Variants in HK1 observed in about 807,000 individuals in gnomAD.
The protein encoded by HK1 is hexokinase-1.
A neutral mutation model predicts 91.6 loss-of-function variants in HK1; 28 were observed. The ratio of observed to expected loss-of-function variants is 0.31; its 90% confidence interval spans 0.23 to 0.42. The LOEUF is 0.42. HK1 is among the 10% of genes least tolerant of loss of function. The pLI, the probability that HK1 is intolerant of heterozygous loss-of-function variation, is 1.00. For missense variants in HK1, 770 were observed against 1,219.8 expected (o/e 0.63, Z 5.49); for synonymous variants, 430 against 468.1 (o/e 0.92, Z 1.05).
chr10:69,314,678 CT>C (rs1223659839), upstream of HK1, among the ~76,000 whole-genome samples: 2 of 147,678 alleles, frequency 1.4e-5, no homozygotes, highest in African/African-American at 2.5e-5. Flanking sequence ...TCTTTTCTTT[CT>C]TTTTTTCTGA....
chr10:69,286,817 G>A (rs1475770794), intron 2 of HK1, among the ~76,000 whole-genome samples: 3 of 152,114 alleles, frequency 2.0e-5, no homozygotes, highest in African/African-American at 7.2e-5. Context: ...CAACGTGCTG[G>A]GATTACAGGC....
chr10:69,294,841 A>G (rs1845476946), intron 3 of HK1, among the ~76,000 whole-genome samples: 1 of 151,936 alleles, frequency 6.6e-6, no homozygotes, highest in African/African-American at 2.4e-5. Flanking sequence ...CAGCCTGGGC[A>G]ACAGAGCGAG....
intron 3 of HK1, among the ~76,000 whole-genome samples, chr10:69,290,510 G>GTTT (rs1845250841): frequency 6.6e-6 from 1 of 151,996 alleles, no homozygotes; most frequent in Admixed American, 6.6e-5. Context: ...TGTTGTTGTT[G>GTTT]TTTTTGAAAC....
rs202028638 is a variant in HK1 at position 69,377,007 on chromosome 10, G to A, written c.949G>A (p.Gly317Ser). Residue 317 changes from glycine (G) to serine (S), a missense_variant, in exon 8 of 18, where the codon GGC (glycine) becomes AGC (serine). Physicochemically the swap from Gly to Ser is moderately conservative, Grantham distance 56. Coordinates refer to ENST00000359426, the MANE Select transcript of HK1 (RefSeq NM_000188.3). ...GATCCTAGTCAAGATGGCCAAGGAG[G>A]GCCTCTTATTTGAAGGGCGGATCAC... ...RLILVKMAKE[G>S]LLFEGRITPE... 2.2e-5 allele frequency: 35 copies of A among 1,613,966 alleles called. No homozygotes were observed. The highest frequency in any genetic ancestry group is 2.7e-5 in the Non-Finnish European group (32 of 1,180,008).
chr10:69,395,490 C>T (rs1197971161), intron 16 of HK1, among the ~76,000 whole-genome samples: 1 of 152,052 alleles, frequency 6.6e-6, no homozygotes, highest in African/African-American at 2.4e-5. Context: ...AGGCAGGAGA[C>T]TCACTTGAAC....
chr10:69,386,269 T>A, intron 12 of HK1, 54 bp from the exon 13 acceptor site: 1 of 1,439,506 alleles, frequency 6.9e-7, no homozygotes, highest in Non-Finnish European at 9.8e-7. Context: ...AATTTTGTGT[T>A]CTCCCCTTCC....
upstream of HK1, among the ~76,000 whole-genome samples, chr10:69,315,462 C>A (rs1341134227): frequency 6.6e-6 from 1 of 152,072 alleles, no homozygotes; most frequent in East Asian, 1.9e-4. Context: ...AGAGAGAGTT[C>A]AGGGGACTTG....
chr10:69,282,272 C>G (rs572006248), intron 1 of HK1, among the ~76,000 whole-genome samples: 2 of 152,256 alleles, frequency 1.3e-5, no homozygotes, highest in South Asian at 4.1e-4. Context: ...TATCACCGTC[C>G]TCCTCACCAT....
At chr10:69,399,891 C>G (rs1840311510) in intron 17 of HK1, among the ~76,000 whole-genome samples, 1 of 152,178 alleles carries the variant, frequency 6.6e-6, no homozygotes, top group Non-Finnish European at 1.5e-5. Flanking sequence ...TCACCCGACT[C>G]AGTGTAGACA....
intron 8 of HK1, among the ~76,000 whole-genome samples, chr10:69,377,926 G>A (rs1300866479): frequency 1.3e-5 from 2 of 152,220 alleles, no homozygotes; most frequent in African/African-American, 2.4e-5. Context: ...GCAACTAACT[G>A]TAGCCCCTTG....
intron 1 of HK1, among the ~76,000 whole-genome samples, chr10:69,335,512 G>A (rs1847932818): frequency 6.6e-6 from 1 of 152,178 alleles, no homozygotes; most frequent in Non-Finnish European, 1.5e-5. Flanking sequence ...CCTGGCCCTG[G>A]CTCTCCCTGG....
intron 2 of HK1, among the ~76,000 whole-genome samples, chr10:69,285,321 G>A (rs1340364014): frequency 6.6e-6 from 1 of 152,010 alleles, no homozygotes; most frequent in Admixed American, 6.6e-5. Flanking sequence ...CTACTCAGGA[G>A]GCTGAGGCAG....
intron 5 of HK1, among the ~76,000 whole-genome samples, chr10:69,301,541 T>G (rs1437748284): frequency 7.7e-6 from 1 of 129,952 alleles, no homozygotes; most frequent in Admixed American, 8.6e-5. Flanking sequence ...ACCAGTGTAC[T>G]CTAGCCTGGG....
At chr10:69,303,229 T>C (rs1845963730) in intron 5 of HK1, among the ~76,000 whole-genome samples, 1 of 152,174 alleles carries the variant, frequency 6.6e-6, no homozygotes, top group Admixed American at 6.5e-5. Flanking sequence ...GGCAGCTTGA[T>C]GACAAGGATG....
rs1589599158 is a variant in HK1 at position 69,401,855 on chromosome 10, G to C, written c.*720G>C. 1 of 161,056 alleles carries C rather than the reference G, an allele frequency of 6.2e-6. No homozygotes were observed. The highest frequency in any genetic ancestry group is 3.1e-3 in the Middle Eastern group (1 of 322). 10.0% of individuals were successfully genotyped at this position (161,056 alleles called of 1,614,324 possible). On this transcript the variant is annotated 3_prime_UTR_variant, in exon 18 of 18. Coordinates refer to ENST00000359426, the MANE Select transcript of HK1 (RefSeq NM_000188.3). ...CACCGCTTTGTGAGCCGTGTCGTAT[G>C]ACCTAGTAAACTTTGTACCAATTCA...
At chr10:69,354,602 A>C (rs1849039844) in intron 2 of HK1, among the ~76,000 whole-genome samples, 1 of 152,174 alleles carries the variant, frequency 6.6e-6, no homozygotes, top group South Asian at 2.1e-4. Context: ...GTTACAACTC[A>C]AGATGAGATT....
chr10:69,398,284 C>T (rs1840229992), intron 16 of HK1, among the ~76,000 whole-genome samples: 1 of 152,182 alleles, frequency 6.6e-6, no homozygotes, highest in Admixed American at 6.5e-5. Flanking sequence ...GAAAGAAAAT[C>T]ACATATCAAG....
At chr10:69,289,029 G>T (rs1845159133) in intron 3 of HK1, among the ~76,000 whole-genome samples, 1 of 151,960 alleles carries the variant, frequency 6.6e-6, no homozygotes, top group African/African-American at 2.4e-5. Context: ...CAGGTGATCC[G>T]CCCACCTCGG....
chr10:69,383,545 C>T (rs1839494282), intron 10 of HK1, among the ~76,000 whole-genome samples: 1 of 152,238 alleles, frequency 6.6e-6, no homozygotes, highest in Non-Finnish European at 1.5e-5. Flanking sequence ...CTTAAAACAA[C>T]CACGCTTTAT....
Sources: allele counts gnomAD v4.1 joint callset (sites outside exome capture counted in the v4.1 genomes callset), GRCh38; gene constraint gnomAD v4.1.1; transcripts MANE v1.5; gene names NCBI Gene and HGNC (gene_info 2026-07-23, HGNC 2026-07-21).